SLC35D2: variants seen among roughly 807,000 people sequenced by gnomAD.
SLC35D2 encodes solute carrier family 35 member D2, also known as nucleotide sugar transporter SLC35D2.
A neutral mutation model predicts 41.8 loss-of-function variants in SLC35D2; 43 were observed. The ratio of observed to expected loss-of-function variants is 1.03; its 90% CI spans 0.81 to 1.33. The LOEUF (loss-of-function observed/expected upper bound fraction) is 1.33, where lower values mean the gene tolerates loss of function less well. Ranked by LOEUF, SLC35D2 falls within the 40% of genes most tolerant of loss-of-function variation. The pLI is 0.00. For synonymous variants in SLC35D2, 150 were observed against 163.9 expected (o/e 0.92, Z 0.65); for missense variants, 380 against 408.4 (o/e 0.93, Z 0.60).
At position 96,343,981 on chromosome 9, in the gene SLC35D2, C is replaced by T. The variant is rs770468251; in HGVS notation, c.607G>A (p.Gly203Arg). 52 of 1,595,438 alleles carry T rather than the reference C, an allele frequency of 3.3e-5. No homozygotes were observed. Among genetic ancestry groups the T allele is most frequent in the Non-Finnish European group, 4.0e-5 (47 of 1,172,982 alleles). ...AAGCAGGCATTGTAGAAAAGTACTC[C>T]GTATTTCCCTAGCTCCTGCAAAAAC... ...KMDPKELGKY[G>R]VLFYNACFMI... The change falls in exon 8 of 12, where the codon GGA becomes AGA. Residue 203 changes from glycine to arginine, a missense_variant. By Grantham distance (125) the Gly-to-Arg change is moderately radical. Transcript: ENST00000253270.
intron 1 of SLC35D2, among the ~76,000 whole-genome samples, chr9:96,378,155 C>A (rs1451704290): frequency 6.6e-6 from 1 of 151,860 alleles, no homozygotes; most frequent in Non-Finnish European, 1.5e-5. Flanking sequence ...GTGTCTAAAC[C>A]AGGCACAATG....
intron 9 of SLC35D2, among the ~76,000 whole-genome samples, chr9:96,326,414 T>C (rs1011564733): frequency 1.3e-5 from 2 of 152,206 alleles, no homozygotes; most frequent in African/African-American, 2.4e-5. Flanking sequence ...AAGCCATTTA[T>C]CAAATAATGA....
At chr9:96,322,696 T>A (rs1373867375) in intron 10 of SLC35D2, among the ~76,000 whole-genome samples, 1 of 148,674 alleles carries the variant, frequency 6.7e-6, no homozygotes, top group Non-Finnish European at 1.5e-5. Context: ...TTACTATCAT[T>A]GGGTAGTGAG....
intron 8 of SLC35D2, among the ~76,000 whole-genome samples, chr9:96,342,124 T>G (rs1209644773): frequency 6.6e-6 from 1 of 152,032 alleles, no homozygotes; most frequent in Non-Finnish European, 1.5e-5. Context: ...TTTTCCTTTT[T>G]TTTTGAGATG....
chr9:96,375,199 C>T (rs1267979041), intron 1 of SLC35D2, among the ~76,000 whole-genome samples: 3 of 151,374 alleles, frequency 2.0e-5, no homozygotes, highest in Non-Finnish European at 1.5e-5. Context: ...ACCATGGTGG[C>T]CAGGCTGGTC....
intron 6 of SLC35D2, among the ~76,000 whole-genome samples, chr9:96,345,604 G>A (rs1463703166): frequency 6.6e-6 from 1 of 152,184 alleles, no homozygotes. Context: ...ACTCAATCGT[G>A]AATGGCTTAA....
chr9:96,346,307 A>T (rs1377354388), intron 6 of SLC35D2, among the ~76,000 whole-genome samples: 1 of 152,206 alleles, frequency 6.6e-6, no homozygotes, highest in Non-Finnish European at 1.5e-5. Flanking sequence ...AAAAGGAAAG[A>T]GGATTTGGGC....
At chr9:96,358,105 T>TATATACAC (rs546410635) in intron 4 of SLC35D2, among the ~76,000 whole-genome samples, 10 of 143,522 alleles carry the variant, frequency 7.0e-5, no homozygotes, top group Non-Finnish European at 1.2e-4. Flanking sequence ...TATATATATA[T>TATATACAC]ATACCTGCAA....
At position 96,340,390 on chromosome 9, in the gene SLC35D2, G is replaced by A. The variant is rs111607918; in HGVS notation, c.684+3514C>T. 2.6e-3 allele frequency among the ~76,000 whole-genome samples: 388 copies of A among 151,844 alleles called. 1 individual carries two copies. Among genetic ancestry groups the A allele is most frequent in the African/African-American group, 8.5e-3 (354 of 41,428 alleles). The stretch of plus-strand genomic sequence containing the variant: ...TTCTAGCATTTTGGAAGGCCGAGGC[G>A]GGCAGATCACGAGGTCAGGAGTTCG... On this transcript the variant is annotated intron_variant, in intron 8 of 11. Coordinates refer to ENST00000253270, the MANE Select transcript of SLC35D2 (RefSeq NM_007001.3).
intron 9 of SLC35D2, among the ~76,000 whole-genome samples, chr9:96,335,816 G>A (rs1829024973): frequency 6.6e-6 from 1 of 152,086 alleles, no homozygotes; most frequent in South Asian, 2.1e-4. Flanking sequence ...CACTTTGGGA[G>A]GCTGAGGTGG....
intron 1 of SLC35D2, among the ~76,000 whole-genome samples, chr9:96,377,129 G>A (rs755725572): frequency 3.3e-5 from 5 of 151,798 alleles, no homozygotes; most frequent in Non-Finnish European, 7.4e-5. Flanking sequence ...AGGGACTGAG[G>A]AGGAGGCCTG....
chr9:96,334,473 A>C (rs1828957615), intron 9 of SLC35D2, among the ~76,000 whole-genome samples: 1 of 152,092 alleles, frequency 6.6e-6, no homozygotes, highest in Admixed American at 6.6e-5. Context: ...CTCCGTCTCT[A>C]CTAAAAATAC....
At chr9:96,382,466 T>TACACACAC (rs35402465) in intron 1 of SLC35D2, among the ~76,000 whole-genome samples, 1,813 of 133,048 alleles carry the variant, frequency 0.014, 24 homozygotes, top group Middle Eastern at 0.019. Flanking sequence ...AAAAATATTA[T>TACACACAC]ACACACACAC....
At chr9:96,354,396 G>A (rs1829933941) in intron 4 of SLC35D2, among the ~76,000 whole-genome samples, 1 of 152,160 alleles carries the variant, frequency 6.6e-6, no homozygotes, top group African/African-American at 2.4e-5. Context: ...CACAATAAGT[G>A]AATCAAGCAA....
In SLC35D2 at chr9:96,344,566, T is replaced by TAA. The variant is rs567587419; in HGVS notation, c.592-572_592-571dup. 1.2e-3 allele frequency among the ~76,000 whole-genome samples: 67 copies of TAA among 57,320 alleles called. 1 individual carries two copies. Among genetic ancestry groups the TAA allele is most frequent in the Non-Finnish European group, 1.6e-3 (50 of 31,522 alleles). The allele number at this position is 57,320 out of a possible 152,430, so 37.6% of individuals were successfully genotyped here. A position where few individuals can be genotyped will look rare whatever the true frequency, so the allele number is the denominator to read the frequency against. On this transcript the variant is annotated intron_variant, in intron 7 of 11. Transcript: ENST00000253270. ...GGAAAAAAAAAAAAAACAGAGCAGA[T>TAA]AAAAAAAAAAAAAAAAGAGCAGATT...
chr9:96,383,364 A>C, intron 1 of SLC35D2, 113 bp downstream of exon 1: 1 of 709,856 alleles, frequency 1.4e-6, no homozygotes. Context: ...TGCCCAGCTG[A>C]GACTCGAGGG....
intron 4 of SLC35D2, among the ~76,000 whole-genome samples, chr9:96,354,766 C>CAAAAAAAAAAAA (rs59013884): frequency 2.1e-5 from 1 of 46,744 alleles, no homozygotes; most frequent in African/African-American, 5.9e-5. Flanking sequence ...GACTCCATCT[C>CAAAAAAAAAAAA]AAAAAAAAAA....
At chr9:96,355,537 C>A (rs1587695005) in intron 4 of SLC35D2, among the ~76,000 whole-genome samples, 2 of 151,756 alleles carry the variant, frequency 1.3e-5, no homozygotes, top group East Asian at 3.9e-4. Context: ...TCGCTCGTCG[C>A]CCAGGCTGGA....
At chr9:96,367,410 C>T (rs1301261806) in intron 2 of SLC35D2, among the ~76,000 whole-genome samples, 1 of 152,004 alleles carries the variant, frequency 6.6e-6, no homozygotes, top group African/African-American at 2.4e-5. Flanking sequence ...ATCTGGAAAT[C>T]ACCAGTATAC....
Sources: allele counts gnomAD v4.1 joint callset (sites outside exome capture counted in the v4.1 genomes callset), GRCh38; gene constraint gnomAD v4.1.1; transcripts MANE v1.5; gene names NCBI Gene and HGNC (gene_info 2026-07-23, HGNC 2026-07-21).